HACE1: variants seen among roughly 807,000 people sequenced by gnomAD.
HACE1 encodes the protein E3 ubiquitin-protein ligase HACE1.
In HACE1, 73 loss-of-function variants were observed where a neutral mutation model predicts 118.4. The observed-to-expected ratio is 0.62, with a 90% CI of 0.51 to 0.75. The LOEUF (loss-of-function observed/expected upper bound fraction) is 0.75, where lower values mean the gene tolerates loss of function less well. Among genes scored for constraint, HACE1 ranks in the 30% least tolerant of loss-of-function variants. The probability of loss-of-function intolerance (pLI) is 0.00; values close to 1 mark genes in which losing one functional copy is unlikely to be tolerated. For synonymous variants in HACE1, 368 were observed against 374.8 expected, an observed-to-expected ratio of 0.98 and a Z score of 0.21; for missense variants, 749 against 1,102.2, an observed-to-expected ratio of 0.68 and a Z score of 4.54.
In HACE1 at chr6:104,729,803, T is replaced by A. The variant is rs566822347; in HGVS notation, c.2628-39A>T. On this transcript the variant is annotated intron_variant, in intron 23 of 23. Coordinates refer to ENST00000262903, the MANE Select transcript of HACE1 (RefSeq NM_020771.4). ...ATATACCACCATTAAACAGGAAATC[T>A]ATAAAATTTCTGATTGTTTTGCCTA... The A allele has an allele frequency of 8.9e-6, 8 of 897,894 alleles. No individual in the cohort carries two copies. In the African/African-American group the frequency reaches 1.3e-4, roughly 15 times the overall value. The allele number at this position is 897,894 out of a possible 1,614,324, so 55.6% of individuals were successfully genotyped here.
chr6:104,848,834 T>C (rs1203668230), intron 4 of HACE1, among the ~76,000 whole-genome samples: 1 of 152,118 alleles, frequency 6.6e-6, no homozygotes, highest in East Asian at 1.9e-4. Context: ...GTCACTATAA[T>C]ACAAGTAATA....
chr6:104,800,372 C>G (rs1770187350), intron 7 of HACE1, among the ~76,000 whole-genome samples: 1 of 152,190 alleles, frequency 6.6e-6, no homozygotes, highest in Non-Finnish European at 1.5e-5. Context: ...GGTTCTCCCA[C>G]CACAGCCTTT....
intron 6 of HACE1, among the ~76,000 whole-genome samples, chr6:104,825,483 T>C (rs143375877): frequency 2.6e-5 from 4 of 151,942 alleles, no homozygotes; most frequent in Admixed American, 1.3e-4. Context: ...AAGGTAGTTA[T>C]GTGCAAGCAA....
At chr6:104,738,039 C>T (rs1438619112) in intron 22 of HACE1, among the ~76,000 whole-genome samples, 1 of 152,146 alleles carries the variant, frequency 6.6e-6, no homozygotes, top group Admixed American at 6.5e-5. Flanking sequence ...AACTGGGAGG[C>T]ACCCCCCAGC....
chr6:104,792,267 T>C (rs1783107295), intron 10 of HACE1, among the ~76,000 whole-genome samples: 2 of 152,176 alleles, frequency 1.3e-5, no homozygotes, highest in South Asian at 2.1e-4. Context: ...TAGGAAATAT[T>C]TGCCTACCAT....
intron 20 of HACE1, among the ~76,000 whole-genome samples, chr6:104,745,509 C>T (rs971120871): frequency 8.4e-5 from 12 of 142,330 alleles, no homozygotes; most frequent in African/African-American, 1.6e-4. Context: ...TGCAGTGGCG[C>T]GGCTCACTGC....
chr6:104,854,039 C>T (rs557574078), intron 1 of HACE1, among the ~76,000 whole-genome samples: 2 of 152,256 alleles, frequency 1.3e-5, no homozygotes, highest in South Asian at 4.2e-4. Flanking sequence ...TTGTGCTGTG[C>T]CTCCCGCAAC....
intron 6 of HACE1, among the ~76,000 whole-genome samples, chr6:104,821,302 T>C (rs1187814584): frequency 2.0e-5 from 3 of 152,102 alleles, no homozygotes; most frequent in Non-Finnish European, 4.4e-5. Flanking sequence ...TTTACCTATG[T>C]ATCAAACCTG....
intron 22 of HACE1, among the ~76,000 whole-genome samples, chr6:104,736,876 T>C (rs1235078829): frequency 6.6e-6 from 1 of 152,192 alleles, no homozygotes; most frequent in African/African-American, 2.4e-5. Flanking sequence ...ATTGTATGTA[T>C]CTCTGAATAG....
intron 22 of HACE1, among the ~76,000 whole-genome samples, chr6:104,737,301 A>G (rs9404577): frequency 7.3e-5 from 11 of 151,224 alleles, no homozygotes; most frequent in East Asian, 3.9e-4. Flanking sequence ...AAAAAAAAAA[A>G]AAAAAAGAAA....
At chr6:104,737,094 G>A (rs1469532581) in intron 22 of HACE1, among the ~76,000 whole-genome samples, 3 of 150,818 alleles carry the variant, frequency 2.0e-5, no homozygotes, top group Admixed American at 2.0e-4. Flanking sequence ...GACCAGCTTG[G>A]CCACGATGGT....
At chr6:104,730,190 G>T (rs1049494085) in intron 23 of HACE1, 113 bp downstream of exon 23, 8 of 714,466 alleles carry the variant, frequency 1.1e-5, no homozygotes, top group Non-Finnish European at 2.0e-5. Flanking sequence ...CAAAATCCTG[G>T]AGAGAGATCA....
chr6:104,798,329 T>C (rs1769917681), intron 7 of HACE1, among the ~76,000 whole-genome samples: 2 of 152,066 alleles, frequency 1.3e-5, no homozygotes, highest in African/African-American at 4.8e-5. Flanking sequence ...AACAAAACAC[T>C]ATTCATTCTC....
intron 4 of HACE1, among the ~76,000 whole-genome samples, chr6:104,845,390 GC>G (rs1317659819): frequency 2.6e-5 from 4 of 151,436 alleles, no homozygotes; most frequent in African/African-American, 9.7e-5. Context: ...TACTTTTCTT[GC>G]TTTTTGTACT....
rs780066982 is a variant in HACE1 at position 104,851,046 on chromosome 6, A to C, written c.132-50T>G. The C allele has an allele frequency of 1.1e-5, 11 of 1,043,982 alleles. No homozygotes were observed. The South Asian group carries it at 1.3e-4, about 12-fold the overall frequency. The allele number at this position is 1,043,982 out of a possible 1,614,324, so 64.7% of individuals were successfully genotyped here. ...TCAAGTGTAAAAAAAGTTTTTAAAA[A>C]CATAATAAATCAAGTTAACAACTCT... On this transcript the variant is annotated intron_variant, in intron 2 of 23. Transcript: ENST00000262903.
chr6:104,807,019 CTTTTTTTT>C (rs371450175), intron 7 of HACE1, among the ~76,000 whole-genome samples: 1 of 129,160 alleles, frequency 7.7e-6, no homozygotes, highest in Non-Finnish European at 1.7e-5. Flanking sequence ...TGTAAGAATT[CTTTTTTTT>C]TTTTTTTTTT....
At chr6:104,780,889 A>T (rs538768913) in intron 14 of HACE1, among the ~76,000 whole-genome samples, 29 of 152,216 alleles carry the variant, frequency 1.9e-4, no homozygotes, top group African/African-American at 7.0e-4. Flanking sequence ...AGTTTTAAAG[A>T]CTGCAGGTCT....
chr6:104,750,737 G>A (rs538628341), intron 19 of HACE1, among the ~76,000 whole-genome samples: 37 of 152,016 alleles, frequency 2.4e-4, no homozygotes, highest in African/African-American at 8.9e-4. Context: ...ATCTTACCTT[G>A]TCTCACTACC....
chr6:104,814,864 A>T (rs1258590256), intron 6 of HACE1, among the ~76,000 whole-genome samples: 1 of 138,082 alleles, frequency 7.2e-6, no homozygotes, highest in Non-Finnish European at 1.6e-5. Context: ...TTCCACCATG[A>T]TTGTAAGTTT....
Sources: allele counts gnomAD v4.1 joint callset (sites outside exome capture counted in the v4.1 genomes callset), GRCh38; gene constraint gnomAD v4.1.1; transcripts MANE v1.5; gene names NCBI Gene and HGNC (gene_info 2026-07-23, HGNC 2026-07-21).